The following SMARCA2 variants were observed in gnomAD, a reference collection of about 807,000 sequenced individuals.
The protein encoded by SMARCA2 is SWI/SNF related BAF chromatin remodeling complex subunit ATPase 2.
SMARCA2 carries 61 observed loss-of-function variants against 199.8 expected under a neutral mutation model. That is an observed-to-expected ratio of 0.31 (90% CI 0.25 to 0.38). The LOEUF (loss-of-function observed/expected upper bound fraction) is 0.38, where lower values mean the gene tolerates loss of function less well. Among genes scored for constraint, SMARCA2 ranks in the 10% least tolerant of loss-of-function variants. The probability of loss-of-function intolerance (pLI) is 1.00; values close to 1 mark genes in which losing one functional copy is unlikely to be tolerated. For synonymous variants in SMARCA2, 935 were observed against 732.0 expected (o/e 1.28, Z -4.48); for missense variants, 1,344 against 2,012.2 (o/e 0.67, Z 6.35).
intron 29 of SMARCA2, among the ~76,000 whole-genome samples, chr9:2,175,227 C>T (rs1826496441): frequency 6.6e-6 from 1 of 151,960 alleles, no homozygotes; most frequent in Non-Finnish European, 1.5e-5. Flanking sequence ...GAAAAGTAGC[C>T]ATCCTAAGAC....
rs919146466 is a variant in SMARCA2, at chr9:2,182,372, G to A, written c.4461+130G>A. 33 of 593,856 alleles carry A rather than the reference G, an allele frequency of 5.6e-5. No individual in the cohort carries two copies. The African/African-American group carries it at 5.7e-4, about 10-fold the overall frequency. The allele number at this position is 593,856 out of a possible 1,614,324, so 36.8% of individuals were successfully genotyped here. A position where few individuals can be genotyped will look rare whatever the true frequency, so the allele number is the denominator to read the frequency against. On this transcript the variant is annotated intron_variant, in intron 31 of 33. Coordinates refer to ENST00000349721, the MANE Select transcript of SMARCA2 (RefSeq NM_003070.5). ...AGAAGAAAAATAACTAAAAGCCTAT[G>A]TTCCTTGCTACCTGTGTAAGAAAAT...
At position 2,077,775 on chromosome 9, in the gene SMARCA2, A is replaced by G; in HGVS notation, c.2183A>G (p.Gln728Arg). ...ATTAATGGGACCCTAAAGCATTACCAGGTAATTGGCATGGTTTCAGTTTCC... is the reference window on the plus strand; with the variant it reads ...ATTAATGGGACCCTAAAGCATTACCGGGTAATTGGCATGGTTTCAGTTTCC... The part of the protein sequence containing the change: ...LLINGTLKHY[Q>R]LQGLEWMVSL... Residue 728 changes from glutamine to arginine, a missense_variant and splice_region_variant, in exon 14 of 34, where the codon CAG (glutamine) becomes CGG (arginine). By Grantham distance (43) the Gln-to-Arg change is conservative. Coordinates refer to ENST00000349721, the MANE Select transcript of SMARCA2 (RefSeq NM_003070.5). 1 of 1,606,388 alleles carries G rather than the reference A, an allele frequency of 6.2e-7. No homozygotes were observed.
At chr9:2,156,267 T>C (rs950948987) in intron 27 of SMARCA2, among the ~76,000 whole-genome samples, 1 of 152,160 alleles carries the variant, frequency 6.6e-6, no homozygotes, top group Admixed American at 6.5e-5. Context: ...TAATATGTGC[T>C]GTGTGTCGAG....
In SMARCA2 at chr9:2,182,158, T is replaced by C. The variant is rs138542624; in HGVS notation, c.4377T>C (p.His1459=). The change falls in exon 31 of 34, where the codon CAT becomes CAC. Residue 1459 remains histidine, a synonymous_variant. Transcript: ENST00000349721. The stretch of plus-strand genomic sequence containing the variant: ...TCCATCAGGAAAGGATTCGTAATCA[T>C]AAGTACCGGAGCCTAGGCGACCTGG... The part of the protein sequence containing the change: ...FKKIKERIRN[H]KYRSLGDLEK... The C allele has an allele frequency of 6.0e-5, 97 of 1,610,296 alleles. No individual in the cohort carries two copies. Among genetic ancestry groups the C allele is most frequent in the Non-Finnish European group, 2.4e-5 (28 of 1,176,792 alleles).
chr9:2,112,202 C>T (rs375584310), intron 24 of SMARCA2, among the ~76,000 whole-genome samples: 3 of 152,096 alleles, frequency 2.0e-5, no homozygotes, highest in South Asian at 2.1e-4. Context: ...GGAAGGAAGA[C>T]GTGATGTGAC....
chr9:2,137,213 G>A (rs1824234275), intron 27 of SMARCA2, among the ~76,000 whole-genome samples: 1 of 152,170 alleles, frequency 6.6e-6, no homozygotes, highest in African/African-American at 2.4e-5. Context: ...CAGATTTTTG[G>A]CATTTTGGAG....
At chr9:2,166,515 C>T (rs1825936516) in intron 28 of SMARCA2, among the ~76,000 whole-genome samples, 1 of 152,160 alleles carries the variant, frequency 6.6e-6, no homozygotes, top group Non-Finnish European at 1.5e-5. Flanking sequence ...GAACCTATGC[C>T]TACTGATTGT....
At chr9:2,055,686 G>C (rs1250014610) in intron 6 of SMARCA2, 2 of 152,168 alleles carry the variant, frequency 1.3e-5, no homozygotes, top group African/African-American at 2.4e-5. Context: ...GTGGTGGGTA[G>C]GTGCTACTTG....
chr9:2,054,614 C>T lies in SMARCA2; in HGVS notation c.1064C>T (p.Ala355Val). 6.2e-7 allele frequency: 1 copy of T among 1,614,064 alleles called. No homozygotes were observed. The change falls in exon 6 of 34, where the codon GCT (alanine) becomes GTT (valine). Residue 355 changes from alanine to valine, a missense_variant. By Grantham distance (64) the Ala-to-Val change is moderately conservative (BLOSUM62 0). Coordinates refer to ENST00000349721, the MANE Select transcript of SMARCA2 (RefSeq NM_003070.5). ...EREYRLQARI[A>V]HRIQELENLP... Reference sequence around the variant, plus strand: ...TCCTTTAGACTTCAGGCCCGCATAGCTCATAGGATACAAGAACTGGAAAAT... The same window carrying T: ...TCCTTTAGACTTCAGGCCCGCATAGTTCATAGGATACAAGAACTGGAAAAT...
At chr9:2,142,785 T>C (rs1824527078) in intron 27 of SMARCA2, among the ~76,000 whole-genome samples, 1 of 152,168 alleles carries the variant, frequency 6.6e-6, no homozygotes, top group African/African-American at 2.4e-5. Context: ...TGTAGTTGTG[T>C]GGTCCTCCCT....
At chr9:2,084,048 C>G (rs1821688186) in intron 16 of SMARCA2, 38 bp from the exon 17 acceptor site, 2 of 1,086,230 alleles carry the variant, frequency 1.8e-6, no homozygotes, top group Non-Finnish European at 2.8e-6. Flanking sequence ...ACATATATGT[C>G]CATAGGATCA....
At position 2,182,177 on chromosome 9, in the gene SMARCA2, G is replaced by C. The variant is rs1422104074; in HGVS notation, c.4396G>C (p.Asp1466His). 1 of 1,613,502 alleles carries C rather than the reference G, an allele frequency of 6.2e-7. No individual in the cohort carries two copies. Among genetic ancestry groups the C allele is most frequent in the Admixed American group, 1.7e-5 (1 of 60,014 alleles). Residue 1466 changes from aspartate (D) to histidine (H), a missense_variant, in exon 31 of 34, where the codon GAC becomes CAC. Physicochemically the swap from Asp to His is moderately conservative, Grantham distance 81 (BLOSUM62 -1). Transcript: ENST00000349721. Reference protein sequence around the residue: ...IRNHKYRSLGDLEKDVMLLCH... With the variant: ...IRNHKYRSLGHLEKDVMLLCH... ...TAATCATAAGTACCGGAGCCTAGGCGACCTGGAGAAGGATGTCATGCTTCT... is the reference window on the plus strand; with the variant it reads ...TAATCATAAGTACCGGAGCCTAGGCCACCTGGAGAAGGATGTCATGCTTCT...
rs2130251143 is a variant in SMARCA2, at chr9:2,039,951, C to G, written c.790+51C>G. ...TAATGCCATGGTCCAACTCGGATAA[C>G]AAAGACTGCTCACCAAAACACCGGG... is the stretch of plus-strand genomic sequence containing the variant. On this transcript the variant is annotated intron_variant, in intron 4 of 33. Coordinates refer to ENST00000349721, the MANE Select transcript of SMARCA2 (RefSeq NM_003070.5). The surrounding 1 kb of genome is among the most constrained non-coding windows in gnomAD (Gnocchi z 4.8). 1 of 1,596,614 alleles carries G rather than the reference C, an allele frequency of 6.3e-7. No homozygotes were observed. Among genetic ancestry groups the G allele is most frequent in the South Asian group, 1.1e-5 (1 of 89,828 alleles).
chr9:2,126,237 T>C lies in SMARCA2; in HGVS notation c.3981+2300T>C, dbSNP rs191208601. ...AAATTGGTTTTTATAATTGTAATTCTGAAATGCCATGCAACATACTAAGTC... is the reference window on the plus strand; with the variant it reads ...AAATTGGTTTTTATAATTGTAATTCCGAAATGCCATGCAACATACTAAGTC... On this transcript the variant is annotated intron_variant, in intron 27 of 33. Coordinates refer to ENST00000349721, the MANE Select transcript of SMARCA2 (RefSeq NM_003070.5). Among the ~76,000 whole-genome samples, 3 of 152,374 alleles carry C rather than the reference T, an allele frequency of 2.0e-5. No homozygotes were observed. In the East Asian group the frequency reaches 5.8e-4, roughly 29 times the overall value.
intron 5 of SMARCA2, among the ~76,000 whole-genome samples, chr9:2,050,800 GAT>G (rs1820084570): frequency 6.6e-6 from 1 of 152,192 alleles, no homozygotes; most frequent in South Asian, 2.1e-4. Flanking sequence ...TTTCTGTTCA[GAT>G]AACTCTCCTA....
At chr9:2,087,697 C>G (rs1447339061) in intron 18 of SMARCA2, among the ~76,000 whole-genome samples, 1 of 152,048 alleles carries the variant, frequency 6.6e-6, no homozygotes, top group Non-Finnish European at 1.5e-5. Flanking sequence ...TGGGCCATTG[C>G]AAGAAAAGAA....
Position 2,191,291 on chromosome 9 carries a change from G to C in SMARCA2, c.4620G>C (p.Lys1540Asn). ...CAAAATCAGTCAAGGTGAAAATTAA[G>C]CTCAATAAAAAAGATGACAAAGGCC... ...SEAKSVKVKI[K>N]LNKKDDKGRD... The change falls in exon 33 of 34, where the codon AAG (lysine) becomes AAC (asparagine). Residue 1540 changes from lysine (K) to asparagine (N), a missense_variant. Lys to Asn is a moderately conservative substitution (Grantham distance 94). This residue lies in a region of SMARCA2 where 155 missense variants were observed against 121.1 expected (regional missense o/e 1.28). Transcript: ENST00000349721. The C allele has an allele frequency of 6.2e-7, 1 of 1,614,036 alleles. No individual in the cohort carries two copies. The highest frequency in any genetic ancestry group is 8.5e-7 in the Non-Finnish European group (1 of 1,179,986).
Position 2,161,860 on chromosome 9 carries a change from C to A in SMARCA2, c.4156C>A (p.Gln1386Lys). ...LSPNPPKLTKQMNAIIDTVIN... is the reference protein window; with the variant it reads ...LSPNPPKLTKKMNAIIDTVIN... ...ACCAAATCCCCCCAAACTGACAAAGCAGATGAACGCTATCATCGATACTGT... is the reference window on the plus strand; with the variant it reads ...ACCAAATCCCCCCAAACTGACAAAGAAGATGAACGCTATCATCGATACTGT... Residue 1386 changes from glutamine to lysine, a missense_variant, in exon 28 of 34, where the codon CAG becomes AAG. Gln to Lys is a moderately conservative substitution (Grantham distance 53, BLOSUM62 1). Transcript: ENST00000349721. This position sits in a 1 kb window ranked among gnomAD's most constrained non-coding sequence, Gnocchi z 4.7. 6.2e-7 allele frequency: 1 copy of A among 1,614,106 alleles called. No individual in the cohort carries two copies. Among genetic ancestry groups the A allele is most frequent in the Non-Finnish European group, 8.5e-7 (1 of 1,179,956 alleles).
chr9:2,061,068 C>T, intron 9 of SMARCA2, 82 bp downstream of exon 9: 1 of 1,269,458 alleles, frequency 7.9e-7, no homozygotes, highest in Non-Finnish European at 1.1e-6. Context: ...TCTTTAAGTA[C>T]TACTTCTTAC....
Sources: allele counts gnomAD v4.1 joint callset (sites outside exome capture counted in the v4.1 genomes callset), GRCh38; gene constraint gnomAD v4.1.1; regional missense constraint gnomAD v4.1.1; non-coding constraint Gnocchi (gnomAD v3.1); transcripts MANE v1.5; gene names NCBI Gene and HGNC (gene_info 2026-07-23, HGNC 2026-07-21).